Variants in GPR135 observed in about 807,000 individuals in gnomAD.
GPR135 encodes the protein G protein-coupled receptor 135.
A neutral mutation model predicts 15.0 loss-of-function variants in GPR135; 17 were observed. That is an observed-to-expected ratio of 1.13 (90% CI 0.78 to 1.70). The LOEUF (loss-of-function observed/expected upper bound fraction) is 1.70, where lower values mean the gene tolerates loss of function less well. Among genes scored for constraint, GPR135 ranks in the 40% most tolerant of loss-of-function variants. The probability of loss-of-function intolerance (pLI) is 0.00; values close to 1 mark genes in which losing one functional copy is unlikely to be tolerated. For missense variants in GPR135, 776 were observed against 727.0 expected, an observed-to-expected ratio of 1.07 and a Z score of -0.78; for synonymous variants, 368 against 349.4, an observed-to-expected ratio of 1.05 and a Z score of -0.59.
In GPR135 at chr14:59,465,287, G is replaced by C; in HGVS notation, c.-61C>G. The C allele has an allele frequency of 8.4e-7, 1 of 1,188,962 alleles. No homozygotes were observed. The highest frequency in any genetic ancestry group is 1.1e-6 in the Non-Finnish European group (1 of 952,262). The allele number at this position is 1,188,962 out of a possible 1,614,324, so 73.7% of individuals were successfully genotyped here. Reference sequence around the variant, plus strand: ...CACCGGGGGCGGCGGCCGCTAGGTCGGAGTGGTGGCTCGGGGCCGGGGGCT... The same window carrying C: ...CACCGGGGGCGGCGGCCGCTAGGTCCGAGTGGTGGCTCGGGGCCGGGGGCT... On this transcript the variant is annotated 5_prime_UTR_variant, in exon 1 of 1. Coordinates refer to ENST00000395116, the MANE Select transcript of GPR135 (RefSeq NM_022571.6).
In GPR135 at chr14:59,464,617, G is replaced by A. The variant is rs1889040783; in HGVS notation, c.610C>T (p.Leu204Phe). ...FGIVSTLSVA[L>F]ISLDRYCAIV... is the part of the protein sequence containing the mutation. The stretch of plus-strand genomic sequence containing the variant: ...GCGCAGTAACGGTCCAACGAGATGA[G>A]CGCCACGCTGAGCGTGGACACGATG... The change falls in exon 1 of 1, where the codon CTC becomes TTC. Residue 204 changes from leucine (L) to phenylalanine (F), a missense_variant. Leu to Phe is a conservative substitution (Grantham distance 22). Coordinates refer to ENST00000395116, the MANE Select transcript of GPR135 (RefSeq NM_022571.6). 6.3e-7 allele frequency: 1 copy of A among 1,597,116 alleles called. No homozygotes were observed. The highest frequency in any genetic ancestry group is 1.3e-5 in the African/African-American group (1 of 74,776).
chr14:59,464,651 C>G lies in GPR135; in HGVS notation c.576G>C (p.Ser192=). The change falls in exon 1 of 1, where the codon TCG becomes TCC. Residue 192 remains serine (S), a synonymous_variant. Coordinates refer to ENST00000395116, the MANE Select transcript of GPR135 (RefSeq NM_022571.6). Reference sequence around the variant, plus strand: ...TGAGCGTGGACACGATGCCGAAGCACGAGCTGAAGAAGCGGCTGGCGGCGC... The same window carrying G: ...TGAGCGTGGACACGATGCCGAAGCAGGAGCTGAAGAAGCGGCTGGCGGCGC... The part of the protein sequence containing the change: ...GFCAASRFFS[S]CFGIVSTLSV... 1 of 1,596,906 alleles carries G rather than the reference C, an allele frequency of 6.3e-7. No homozygotes were observed. Among genetic ancestry groups the G allele is most frequent in the Non-Finnish European group, 8.5e-7 (1 of 1,177,398 alleles).
At chr14:59,460,419 T>C (rs977010075), downstream of GPR135, 6 of 152,258 alleles carry the variant, frequency 3.9e-5, no homozygotes, top group African/African-American at 1.4e-4. Flanking sequence ...GATAGTTGTC[T>C]TTATCTTCCT....
chr14:59,464,285 C>A lies in GPR135; in HGVS notation c.942G>T (p.Val314=). 1 of 1,611,966 alleles carries A rather than the reference C, an allele frequency of 6.2e-7. No homozygotes were observed. Among genetic ancestry groups the A allele is most frequent in the African/African-American group, 1.3e-5 (1 of 75,064 alleles). ...AGCGCAGCACGCGCGCGTAGGTGTT[C>A]ACCGGCCGCACGCGCACGTCCGACA... ...VRLSDVRVRP[V]NTYARVLRFF... The change falls in exon 1 of 1, where the codon GTG becomes GTT. Residue 314 remains valine, a synonymous_variant. Coordinates refer to ENST00000395116, the MANE Select transcript of GPR135 (RefSeq NM_022571.6).
Position 59,462,420 on chromosome 14 carries a change from G to C in GPR135, c.*1322C>G, listed in dbSNP as rs1046432566. 6.6e-6 allele frequency: 1 copy of C among 152,132 alleles called. No homozygotes were observed. The allele number at this position is 152,132 out of a possible 1,614,324, so 9.4% of individuals were successfully genotyped here. A position where few individuals can be genotyped will look rare whatever the true frequency, so the allele number is the denominator to read the frequency against. ...TTCTGCTAAGATAGAAATTTAAAAA[G>C]CATCTTTGATTTGCATATTTCTAAA... On this transcript the variant is annotated 3_prime_UTR_variant, in exon 1 of 1. Transcript: ENST00000395116.
At position 59,464,092 on chromosome 14, in the gene GPR135, T is replaced by C; in HGVS notation, c.1135A>G (p.Asn379Asp). 1.2e-6 allele frequency: 2 copies of C among 1,612,566 alleles called. No homozygotes were observed. Among genetic ancestry groups the C allele is most frequent in the East Asian group, 2.2e-5 (1 of 44,876 alleles). ...SVVAVWLTWANGAINPVIYAI... is the reference protein window; with the variant it reads ...SVVAVWLTWADGAINPVIYAI... ...TAGATGACAGGGTTGATGGCCCCAT[T>C]GGCCCAGGTCAGCCAGACGGCCACC... Residue 379 changes from asparagine (N) to aspartate (D), a missense_variant, in exon 1 of 1, where the codon AAT (asparagine) becomes GAT (aspartate). Coordinates refer to ENST00000395116, the MANE Select transcript of GPR135 (RefSeq NM_022571.6).
At chr14:59,454,814 A>G (rs1415415305) in intron 6 of GPR135, among the ~76,000 whole-genome samples, 1 of 152,152 alleles carries the variant, frequency 6.6e-6, no homozygotes, top group Non-Finnish European at 1.5e-5. Flanking sequence ...TAGAAAATCA[A>G]GGAGAGGCCG....
At chr14:59,459,840 A>T (rs575969088), downstream of GPR135, among the ~76,000 whole-genome samples, 2 of 152,322 alleles carry the variant, frequency 1.3e-5, no homozygotes, top group Non-Finnish European at 2.9e-5. Context: ...TTCAGTGGGA[A>T]GGCTAAGGAT....
rs146353313 is a variant in GPR135 at position 59,464,631 on chromosome 14, G to T, written c.596C>A (p.Thr199Lys). 3.0e-4 allele frequency: 485 copies of T among 1,597,664 alleles called. 1 individual carries two copies. In the African/African-American group the frequency reaches 5.8e-3, roughly 19 times the overall value. ...FFSSCFGIVSTLSVALISLDR... is the reference protein window; with the variant it reads ...FFSSCFGIVSKLSVALISLDR... ...CAACGAGATGAGCGCCACGCTGAGC[G>T]TGGACACGATGCCGAAGCACGAGCT... Residue 199 changes from threonine to lysine, a missense_variant, in exon 1 of 1, where the codon ACG (threonine) becomes AAG (lysine). Physicochemically the swap from Thr to Lys is moderately conservative, Grantham distance 78. Transcript: ENST00000395116.
chr14:59,453,052 G>A (rs886771570), intron 6 of GPR135, among the ~76,000 whole-genome samples: 1 of 152,196 alleles, frequency 6.6e-6, no homozygotes, highest in Non-Finnish European at 1.5e-5. Context: ...CGTAACAGTA[G>A]CAGTGGTTTC....
downstream of GPR135, among the ~76,000 whole-genome samples, chr14:59,458,229 G>T (rs977774654): frequency 6.6e-6 from 1 of 152,128 alleles, no homozygotes; most frequent in Non-Finnish European, 1.5e-5. Context: ...TAGATGTTAG[G>T]TGTCACTAAT....
At chr14:59,457,420 CTCTTCTTTTTTT>C (rs1441976512), downstream of GPR135, among the ~76,000 whole-genome samples, 38 of 152,076 alleles carry the variant, frequency 2.5e-4, no homozygotes, top group African/African-American at 9.2e-4. Context: ...GCTCTTTTTT[CTCTTCTTTTTTT>C]GGTAGTCACA....
chr14:59,454,191 A>G (rs1888578089), intron 6 of GPR135, among the ~76,000 whole-genome samples: 1 of 151,964 alleles, frequency 6.6e-6, no homozygotes, highest in Non-Finnish European at 1.5e-5. Flanking sequence ...GCTAGAATCT[A>G]AGCAGGCAGA....
In GPR135 at chr14:59,463,956, G is replaced by A. The variant is rs771615644; in HGVS notation, c.1271C>T (p.Ala424Val). The change falls in exon 1 of 1, where the codon GCC (alanine) becomes GTC (valine). Residue 424 changes from alanine (A) to valine (V), a missense_variant. Coordinates refer to ENST00000395116, the MANE Select transcript of GPR135 (RefSeq NM_022571.6). ...GTTTCGAAGGCGACTGCGGCTTCTGGCTTGCAGACCCGGGCCCTGGCTGGG... is the reference window on the plus strand; with the variant it reads ...GTTTCGAAGGCGACTGCGGCTTCTGACTTGCAGACCCGGGCCCTGGCTGGG... ...FLPSQGPGLQARSRSRLRNRY... is the reference protein window; with the variant it reads ...FLPSQGPGLQVRSRSRLRNRY... The A allele has an allele frequency of 3.1e-6, 5 of 1,614,032 alleles. No individual in the cohort carries two copies. The highest frequency in any genetic ancestry group is 1.6e-4 in the Middle Eastern group (1 of 6,062).
At chr14:59,457,157 T>C (rs1327149234), downstream of GPR135, among the ~76,000 whole-genome samples, 2 of 152,224 alleles carry the variant, frequency 1.3e-5, no homozygotes, top group Non-Finnish European at 2.9e-5. Flanking sequence ...CCATTGTTTC[T>C]GATAAGTCAG....
chr14:59,459,155 G>A (rs1248121082), downstream of GPR135, among the ~76,000 whole-genome samples: 1 of 152,164 alleles, frequency 6.6e-6, no homozygotes, highest in African/African-American at 2.4e-5. Context: ...TGAAAATAAT[G>A]TTCACCAGTT....
chr14:59,458,622 G>T (rs1175900194), downstream of GPR135, among the ~76,000 whole-genome samples: 1 of 152,034 alleles, frequency 6.6e-6, no homozygotes, highest in Non-Finnish European at 1.5e-5. Flanking sequence ...AGGGATGGTG[G>T]CCTGCTTCTT....
At chr14:59,459,386 T>G (rs1220452338), downstream of GPR135, among the ~76,000 whole-genome samples, 2 of 152,224 alleles carry the variant, frequency 1.3e-5, no homozygotes, top group Non-Finnish European at 2.9e-5. Flanking sequence ...AATTTTTTTG[T>G]GTTTAGAGAG....
downstream of GPR135, chr14:59,460,535 T>C (rs1480054609): frequency 2.0e-5 from 3 of 152,214 alleles, no homozygotes; most frequent in African/African-American, 7.2e-5. Flanking sequence ...GCAAATCTCA[T>C]GTTTAGCACT....
Sources: gnomAD v4.1 joint callset for allele counts (sites outside exome capture counted in the v4.1 genomes callset) on GRCh38, gnomAD v4.1.1 for gene constraint, MANE v1.5 for transcripts, NCBI Gene and HGNC (gene_info 2026-07-23, HGNC 2026-07-21) for gene names.